COX16: variants seen among roughly 807,000 people sequenced by gnomAD.
COX16 encodes cytochrome c oxidase assembly protein COX16 homolog, mitochondrial.
Under a neutral mutation model 15.4 loss-of-function variants are expected in COX16, and 12 were observed. That is an observed-to-expected ratio of 0.78 (90% CI 0.50 to 1.26). The LOEUF (loss-of-function observed/expected upper bound fraction) is 1.26, where lower values mean the gene tolerates loss of function less well. COX16 is among the 50% of genes most tolerant of loss of function. COX16 has a pLI of 0.00. For synonymous variants in COX16, 46 were observed against 41.1 expected (o/e 1.12, Z -0.46); for missense variants, 124 against 127.6 (o/e 0.97, Z 0.14).
chr14:70,347,603 T>A (rs1307486533), intron 1 of COX16, among the ~76,000 whole-genome samples: 1 of 152,160 alleles, frequency 6.6e-6, no homozygotes, highest in African/African-American at 2.4e-5. Flanking sequence ...GTGTTAATGA[T>A]CTGCTCCTGT....
chr14:70,347,926 A>G (rs1053587109), intron 1 of COX16, among the ~76,000 whole-genome samples: 21 of 152,086 alleles, frequency 1.4e-4, no homozygotes, highest in African/African-American at 4.8e-4. Context: ...GGCCCTCTCC[A>G]TGAGCCTTCA....
intron 2 of COX16, among the ~76,000 whole-genome samples, chr14:70,337,843 G>C (rs1297284130): frequency 6.6e-6 from 1 of 151,464 alleles, no homozygotes; most frequent in Non-Finnish European, 1.5e-5. Flanking sequence ...TGTGGAGATT[G>C]AACACAGCAA....
chr14:70,346,298 G>A (rs115365181), intron 1 of COX16, among the ~76,000 whole-genome samples: 4,117 of 152,338 alleles, frequency 0.027, 143 homozygotes, highest in East Asian at 0.17. Flanking sequence ...AAAAACAGGC[G>A]GAGTTTCAAA....
At chr14:70,331,591 A>G (rs1886293437) in intron 2 of COX16, among the ~76,000 whole-genome samples, 1 of 152,246 alleles carries the variant, frequency 6.6e-6, no homozygotes, top group African/African-American at 2.4e-5. Flanking sequence ...AGCAATTCGT[A>G]ACACACCCAC....
intron 3 of COX16, among the ~76,000 whole-genome samples, chr14:70,327,482 ATTT>A (rs561190558): frequency 2.0e-5 from 3 of 148,848 alleles, no homozygotes; most frequent in East Asian, 3.9e-4. Context: ...AAGTTACAGG[ATTT>A]TTTTTTTTAA....
At position 70,329,248 on chromosome 14, in the gene COX16, G is replaced by A; in HGVS notation, c.142-12C>T. 3 of 1,554,436 alleles carry A rather than the reference G, an allele frequency of 1.9e-6. No homozygotes were observed. The highest frequency in any genetic ancestry group is 2.6e-6 in the Non-Finnish European group (3 of 1,147,872). ...AGCTCAGGATCCATCTGTAGAAAAGGAAAAAAAGTAATAAGTTATCTAAGT... is the reference window on the plus strand; with the variant it reads ...AGCTCAGGATCCATCTGTAGAAAAGAAAAAAAAGTAATAAGTTATCTAAGT... On this transcript the variant is annotated splice_polypyrimidine_tract_variant and intron_variant, in intron 2 of 3. Coordinates refer to ENST00000389912, the MANE Select transcript of COX16 (RefSeq NM_016468.7).
At chr14:70,351,700 T>A (rs1325502892) in intron 1 of COX16, among the ~76,000 whole-genome samples, 1 of 152,222 alleles carries the variant, frequency 6.6e-6, no homozygotes, top group South Asian at 2.1e-4. Context: ...CTTTGCTATA[T>A]GGTATTCCAT....
chr14:70,327,415 A>G (rs1201648544), intron 3 of COX16, among the ~76,000 whole-genome samples: 1 of 152,192 alleles, frequency 6.6e-6, no homozygotes, highest in African/African-American at 2.4e-5. Context: ...ATCTACTCCC[A>G]GACAAACTCT....
At chr14:70,332,269 C>A (rs1268387150) in intron 2 of COX16, among the ~76,000 whole-genome samples, 1 of 152,226 alleles carries the variant, frequency 6.6e-6, no homozygotes, top group Non-Finnish European at 1.5e-5. Flanking sequence ...CACAAGGACC[C>A]AAAGGGAGAC....
chr14:70,329,274 CTGTT>C (rs764612375), intron 2 of COX16, 38 bp from the exon 3 acceptor site: 81 of 1,536,742 alleles, frequency 5.3e-5, no homozygotes, highest in Non-Finnish European at 6.4e-5. Context: ...TTATCTAAGT[CTGTT>C]TGTTAGACTC....
chr14:70,358,263 T>C (rs774469709), intron 1 of COX16, among the ~76,000 whole-genome samples: 17 of 152,066 alleles, frequency 1.1e-4, no homozygotes, highest in Non-Finnish European at 1.6e-4. Flanking sequence ...TGATGCTTTT[T>C]TGGGGGCAAT....
intron 1 of COX16, 137 bp downstream of exon 1, chr14:70,359,382 T>TCTCA: frequency 1.3e-6 from 1 of 755,512 alleles, no homozygotes; most frequent in Non-Finnish European, 2.3e-6. Context: ...TTAGGAAAGC[T>TCTCA]CTCACCCCGT....
At position 70,325,845 on chromosome 14, in the gene COX16, A is replaced by T. The variant is rs1886051697; in HGVS notation, c.*488T>A. 1 of 152,274 alleles carries T rather than the reference A, an allele frequency of 6.6e-6. No individual in the cohort carries two copies. The highest frequency in any genetic ancestry group is 1.5e-5 in the Non-Finnish European group (1 of 68,076). The allele number at this position is 152,274 out of a possible 1,614,324, so 9.4% of individuals were successfully genotyped here. ...CATACTATGTGAGGCATTACAAAGA[A>T]AATCAAGACTCTTAGCAGACTGTGA... is the stretch of plus-strand genomic sequence containing the variant. On this transcript the variant is annotated 3_prime_UTR_variant, in exon 4 of 4. Transcript: ENST00000389912.
chr14:70,333,683 CAG>C (rs1184383770), intron 2 of COX16, among the ~76,000 whole-genome samples: 1 of 152,170 alleles, frequency 6.6e-6, no homozygotes, highest in Non-Finnish European at 1.5e-5. Context: ...GAAATAATAA[CAG>C]AAAACTTTCT....
intron 1 of COX16, among the ~76,000 whole-genome samples, chr14:70,353,309 T>A (rs1409796605): frequency 6.7e-6 from 1 of 149,390 alleles, no homozygotes; most frequent in African/African-American, 2.4e-5. Flanking sequence ...CTTTAATCCA[T>A]CATTCTGAAG....
At chr14:70,328,033 G>A (rs1461777379) in intron 3 of COX16, 1 of 148,946 alleles carries the variant, frequency 6.7e-6, no homozygotes, top group East Asian at 2.0e-4. Flanking sequence ...ACACCAAAAG[G>A]ACTGTTCTTC....
At chr14:70,342,600 C>T (rs571826559) in intron 2 of COX16, 58 bp downstream of exon 2, 189 of 1,555,524 alleles carry the variant, frequency 1.2e-4, no homozygotes, top group Non-Finnish European at 1.5e-4. Context: ...ATACAATTCT[C>T]CTAAACCAGA....
At position 70,328,240 on chromosome 14, in the gene COX16, A is replaced by G. The variant is rs895233654; in HGVS notation, c.204+934T>C. 7 of 69,436 alleles carry G rather than the reference A, an allele frequency of 1.0e-4. No homozygotes were observed. In the Admixed American group the frequency reaches 1.0e-3, roughly 10 times the overall value. 4.3% of individuals were successfully genotyped at this position (69,436 alleles called of 1,614,324 possible). ...TCTGGAGATTGAGTCCCAACAAGGG[A>G]GAAGGGCCAAGGAAAGATAGCTAGC... is the stretch of plus-strand genomic sequence containing the variant. On this transcript the variant is annotated intron_variant, in intron 3 of 3. Coordinates refer to ENST00000389912, the MANE Select transcript of COX16 (RefSeq NM_016468.7).
chr14:70,345,345 TTTGA>T (rs1412631615), intron 1 of COX16, among the ~76,000 whole-genome samples: 1 of 152,182 alleles, frequency 6.6e-6, no homozygotes, highest in Non-Finnish European at 1.5e-5. Context: ...CTCTAAGCCA[TTTGA>T]TCGTGTTCCA....
Sources: gnomAD v4.1 joint callset for allele counts (sites outside exome capture counted in the v4.1 genomes callset) on GRCh38, gnomAD v4.1.1 for gene constraint, MANE v1.5 for transcripts, NCBI Gene and HGNC (gene_info 2026-07-23, HGNC 2026-07-21) for gene names.